The following C1QTNF3 variants were observed in gnomAD, a reference collection of about 807,000 sequenced individuals.
C1QTNF3 encodes C1q and TNF related 3.
In C1QTNF3, 26 loss-of-function variants were observed where a neutral mutation model predicts 32.6. That is an observed-to-expected ratio of 0.80 (90% confidence interval 0.58 to 1.11). The LOEUF is 1.11. Ranked by LOEUF, C1QTNF3 falls within the 50% of genes least tolerant of loss-of-function variation. The pLI is 0.00. For synonymous variants in C1QTNF3, 155 were observed against 146.0 expected (o/e 1.06, Z -0.44); for missense variants, 362 against 398.2 (o/e 0.91, Z 0.77).
upstream of C1QTNF3, among the ~76,000 whole-genome samples, chr5:34,046,250 G>A (rs2112130654): frequency 6.6e-6 from 1 of 152,280 alleles, no homozygotes; most frequent in African/African-American, 2.4e-5. Flanking sequence ...CCTTGGTAGA[G>A]CTCCTGAACC....
chr5:34,040,623 T>G (rs1394936436), intron 1 of C1QTNF3, among the ~76,000 whole-genome samples: 1 of 152,122 alleles, frequency 6.6e-6, no homozygotes, highest in East Asian at 1.9e-4. Flanking sequence ...ATTACCTCAC[T>G]GTCCTGCTAT....
chr5:34,201,031 A>T, the C1QTNF3 span: 1 of 152,070 alleles, frequency 6.6e-6, no homozygotes, highest in African/African-American at 2.4e-5. Context: ...TTATTCACTT[A>T]TCTATGGTTT....
chr5:34,084,198 A>G, the C1QTNF3 span, among the ~76,000 whole-genome samples: 1 of 151,760 alleles, frequency 6.6e-6, no homozygotes, highest in Admixed American at 6.6e-5. Context: ...ACAGTGTCTA[A>G]TGGTGACGTT....
the C1QTNF3 span, among the ~76,000 whole-genome samples, chr5:34,227,694 G>A: frequency 6.6e-6 from 1 of 151,900 alleles, no homozygotes; most frequent in Non-Finnish European, 1.5e-5. Flanking sequence ...CTGGCAATGG[G>A]TTAACATAAA....
At position 34,043,122 on chromosome 5, in the gene C1QTNF3, G is replaced by T; in HGVS notation, c.4C>A (p.Leu2Ile). Residue 2 changes from leucine (L) to isoleucine (I), a missense_variant, in exon 1 of 6, where the codon CTT becomes ATT. Transcript: ENST00000382065. ...TGCCAATAGATGAGCTGCCTCCAAA[G>T]CATGATTCTCAACAGAGCCTCAGAG... M[L>I]WRQLIYWQLL... The T allele has an allele frequency of 6.2e-7, 1 of 1,611,252 alleles. No individual in the cohort carries two copies. The highest frequency in any genetic ancestry group is 8.5e-7 in the Non-Finnish European group (1 of 1,179,424).
At chr5:34,207,774 T>C in the C1QTNF3 span, among the ~76,000 whole-genome samples, 2 of 151,964 alleles carry the variant, frequency 1.3e-5, no homozygotes, top group African/African-American at 2.4e-5. Flanking sequence ...TTGTGTGACT[T>C]AGCATGCTTG....
At chr5:34,122,462 T>C in the C1QTNF3 span, among the ~76,000 whole-genome samples, 1 of 152,256 alleles carries the variant, frequency 6.6e-6, no homozygotes, top group Non-Finnish European at 1.5e-5. Context: ...ATTTTCCTCG[T>C]GTTTTCAGGA....
At chr5:34,161,343 G>A in the C1QTNF3 span, among the ~76,000 whole-genome samples, 4 of 151,954 alleles carry the variant, frequency 2.6e-5, no homozygotes, top group African/African-American at 9.7e-5. Flanking sequence ...GGTTTAAGAG[G>A]AAATTTTAAT....
chr5:34,157,348 G>A, the C1QTNF3 span, among the ~76,000 whole-genome samples: 2 of 152,078 alleles, frequency 1.3e-5, no homozygotes, highest in African/African-American at 4.8e-5. Flanking sequence ...TCCTCTTTTA[G>A]AAGATGCAGT....
At chr5:34,197,541 A>G in the C1QTNF3 span, among the ~76,000 whole-genome samples, 8 of 152,282 alleles carry the variant, frequency 5.3e-5, no homozygotes, top group African/African-American at 1.9e-4. Context: ...CCATTTAAAA[A>G]TTACCCTAAA....
chr5:34,066,545 C>T, the C1QTNF3 span, among the ~76,000 whole-genome samples: 330 of 151,838 alleles, frequency 2.2e-3, 1 homozygote, highest in African/African-American at 7.6e-3. Flanking sequence ...TAAATTGGCA[C>T]GTTTATTTTG....
the C1QTNF3 span, among the ~76,000 whole-genome samples, chr5:34,216,302 A>G: frequency 6.6e-6 from 1 of 152,228 alleles, no homozygotes; most frequent in Non-Finnish European, 1.5e-5. Context: ...AGCTAAGGAC[A>G]GTACAGCACA....
the C1QTNF3 span, among the ~76,000 whole-genome samples, chr5:34,218,756 G>A: frequency 6.6e-6 from 1 of 152,048 alleles, no homozygotes; most frequent in Non-Finnish European, 1.5e-5. Context: ...ATATTTCACT[G>A]CCCATGCTGT....
At chr5:34,102,905 A>G in the C1QTNF3 span, among the ~76,000 whole-genome samples, 1 of 146,710 alleles carries the variant, frequency 6.8e-6, no homozygotes, top group South Asian at 2.2e-4. Context: ...TGGGTGCAGC[A>G]CACCAACATG....
chr5:34,208,809 C>T, the C1QTNF3 span, among the ~76,000 whole-genome samples: 1 of 152,228 alleles, frequency 6.6e-6, no homozygotes, highest in Non-Finnish European at 1.5e-5. Context: ...ATCGTCACTG[C>T]TTTCATGTAG....
At chr5:34,177,050 A>G in the C1QTNF3 span, among the ~76,000 whole-genome samples, 34 of 152,186 alleles carry the variant, frequency 2.2e-4, no homozygotes, top group African/African-American at 8.2e-4. Flanking sequence ...AATATTCGCT[A>G]GGTGTAGTGG....
chr5:34,126,205 A>C, the C1QTNF3 span, among the ~76,000 whole-genome samples: 3 of 152,176 alleles, frequency 2.0e-5, no homozygotes, highest in African/African-American at 7.2e-5. Flanking sequence ...AATTATCCAC[A>C]TGAAGTCCTA....
the C1QTNF3 span, among the ~76,000 whole-genome samples, chr5:34,219,753 G>T: frequency 6.6e-6 from 1 of 152,064 alleles, no homozygotes; most frequent in East Asian, 1.9e-4. Context: ...CCAAAGATGG[G>T]CATGTATTCC....
At chr5:34,115,730 CAA>C in the C1QTNF3 span, among the ~76,000 whole-genome samples, 44 of 84,940 alleles carry the variant, frequency 5.2e-4, no homozygotes, top group Admixed American at 9.7e-4. Flanking sequence ...GACTCTGTGT[CAA>C]AAAAAAAAAA....
Sources: gnomAD v4.1 joint callset for allele counts (sites outside exome capture counted in the v4.1 genomes callset) on GRCh38, gnomAD v4.1.1 for gene constraint, MANE v1.5 for transcripts, NCBI Gene and HGNC (gene_info 2026-07-23, HGNC 2026-07-21) for gene names.